GDAP1: variants seen among roughly 807,000 people sequenced by gnomAD.
GDAP1 encodes the protein ganglioside induced differentiation associated protein 1.
In GDAP1, 34 loss-of-function variants were observed where a neutral mutation model predicts 40.1. The ratio of observed to expected loss-of-function variants is 0.85; its 90% CI spans 0.64 to 1.13. The LOEUF is 1.13. GDAP1 is among the 50% of genes most tolerant of loss of function. The pLI, the probability that GDAP1 is intolerant of heterozygous loss-of-function variation, is 0.00. For missense variants in GDAP1, 374 were observed against 433.7 expected (o/e 0.86, Z 1.22); for synonymous variants, 170 against 157.4 (o/e 1.08, Z -0.60).
intron 4 of GDAP1, 123 bp downstream of exon 4, chr8:74,362,101 T>C: frequency 1.5e-6 from 1 of 668,656 alleles, no homozygotes; most frequent in Middle Eastern, 2.5e-4. Flanking sequence ...GTACACATGT[T>C]ACCTTTGGCT....
At chr8:74,371,528 C>T (rs563507573), downstream of GDAP1, among the ~76,000 whole-genome samples, 1,064 of 151,788 alleles carry the variant, frequency 7.0e-3, 10 homozygotes, top group African/African-American at 0.024. Flanking sequence ...GGCGTGGTAG[C>T]GGGCGCCTGT....
At chr8:74,394,430 A>G (rs574702850) in intron 2 of GDAP1, among the ~76,000 whole-genome samples, 11 of 152,246 alleles carry the variant, frequency 7.2e-5, no homozygotes, top group Admixed American at 1.3e-4. Flanking sequence ...GAGGTAATCA[A>G]TCACTTTGGG....
At chr8:74,367,006 A>T (rs1809667311), downstream of GDAP1, 1 of 270,934 alleles carries the variant, frequency 3.7e-6, no homozygotes, top group African/African-American at 2.3e-5. Flanking sequence ...ATAGGATGCC[A>T]TATTTTCGTT....
chr8:74,425,429 A>C (rs1442119512), intron 2 of GDAP1, among the ~76,000 whole-genome samples: 1 of 152,170 alleles, frequency 6.6e-6, no homozygotes, highest in Non-Finnish European at 1.5e-5. Context: ...CACCAAATAC[A>C]TTTTTTAAAA....
At chr8:74,422,330 TTTCTTTCTTTCTTTCTTTCTTCCC>T (rs1229257516) in intron 2 of GDAP1, among the ~76,000 whole-genome samples, 8 of 63,272 alleles carry the variant, frequency 1.3e-4, no homozygotes, top group African/African-American at 2.6e-4. Context: ...TCTTTCTTTC[TTTCTTTCTTTCTTTCTTTCTTCCC>T]TTCCTTCCTT....
intron 2 of GDAP1, among the ~76,000 whole-genome samples, chr8:74,419,468 G>A (rs1805828555): frequency 1.3e-5 from 2 of 152,136 alleles, no homozygotes; most frequent in Admixed American, 1.3e-4. Flanking sequence ...AAAAACTGTA[G>A]CAATGGAGAA....
Position 74,428,633 on chromosome 8 carries a change from ATTTTTTTTTT to A in GDAP1, c.166-60026_166-60017del, listed in dbSNP as rs1195348725. On this transcript the variant is annotated intron_variant, in intron 2 of 2. Transcript: ENST00000523640. The stretch of plus-strand genomic sequence containing the variant: ...GGGCGTATGCCACCACACCCGGCTA[ATTTTTTTTTT>A]TTTTTTTTTTTTTTTTTTAGTAGAG... Among the ~76,000 whole-genome samples the A allele has an allele frequency of 1.2e-4, 5 of 42,846 alleles. 1 individual carries two copies. Among genetic ancestry groups the A allele is most frequent in the African/African-American group, 3.0e-4 (3 of 10,068 alleles). 28.1% of individuals were successfully genotyped at this position (42,846 alleles called of 152,430 possible).
chr8:74,411,932 T>C (rs1001262270), intron 2 of GDAP1, among the ~76,000 whole-genome samples: 10 of 149,834 alleles, frequency 6.7e-5, no homozygotes, highest in Non-Finnish European at 1.2e-4. Flanking sequence ...AGAATTAACT[T>C]TGCAAATTCT....
chr8:74,364,274 G>A lies in GDAP1; in HGVS notation c.984G>A (p.Leu328=). The A allele has an allele frequency of 6.2e-7, 1 of 1,614,206 alleles. No individual in the cohort carries two copies. ...TTGGCACGACCCTTGTGGTTGGTTT[G>A]CTTGCAGGAGTGGGATATTTTGCTT... The part of the protein sequence containing the change: ...KVLGTTLVVG[L]LAGVGYFAFM... The change falls in exon 6 of 6, where the codon TTG becomes TTA. Residue 328 remains leucine (L), a synonymous_variant. Transcript: ENST00000220822.
chr8:74,361,035 A>G (rs1809336568), intron 3 of GDAP1, among the ~76,000 whole-genome samples: 1 of 150,478 alleles, frequency 6.6e-6, no homozygotes, highest in South Asian at 2.1e-4. Flanking sequence ...CCTTTTTGAT[A>G]CCCCTCCTTT....
chr8:74,351,580 T>G lies in GDAP1; in HGVS notation c.310+114T>G, dbSNP rs181955975. On this transcript the variant is annotated intron_variant, in intron 2 of 5. Coordinates refer to ENST00000220822, the MANE Select transcript of GDAP1 (RefSeq NM_018972.4). Reference sequence around the variant, plus strand: ...TTTCTCTTGTGTCATGATGGTGGTTTGGGATTAAAAACCTTTTCCATTTCC... The same window carrying G: ...TTTCTCTTGTGTCATGATGGTGGTTGGGGATTAAAAACCTTTTCCATTTCC... The G allele has an allele frequency of 7.8e-6, 7 of 903,100 alleles. No individual in the cohort carries two copies. In the Admixed American group the frequency reaches 1.0e-4, roughly 13 times the overall value. The allele number at this position is 903,100 out of a possible 1,614,324, so 55.9% of individuals were successfully genotyped here.
chr8:74,393,628 T>C (rs1810145898), intron 2 of GDAP1, among the ~76,000 whole-genome samples: 1 of 152,232 alleles, frequency 6.6e-6, no homozygotes, highest in East Asian at 1.9e-4. Context: ...TCCAGGTGTT[T>C]CTTGTCGACC....
intron 2 of GDAP1, among the ~76,000 whole-genome samples, chr8:74,459,279 TGAG>T (rs1233265414): frequency 2.0e-5 from 3 of 152,134 alleles, no homozygotes; most frequent in Non-Finnish European, 4.4e-5. Flanking sequence ...ATGGAAATAA[TGAG>T]GAGAATGAGA....
Position 74,364,949 on chromosome 8 carries a change from T to C in GDAP1, c.*582T>C, listed in dbSNP as rs1400897001. The stretch of plus-strand genomic sequence containing the variant: ...CTAGCATTTCTGTAAAAGTCTTAAG[T>C]GATATTAAGATGATTCCTTACCATT... On this transcript the variant is annotated 3_prime_UTR_variant, in exon 6 of 6. Coordinates refer to ENST00000220822, the MANE Select transcript of GDAP1 (RefSeq NM_018972.4). The C allele has an allele frequency of 2.0e-5, 9 of 454,116 alleles. No homozygotes were observed. The highest frequency in any genetic ancestry group is 1.2e-4 in the South Asian group (8 of 64,476). The allele number at this position is 454,116 out of a possible 1,614,324, so 28.1% of individuals were successfully genotyped here.
At chr8:74,473,344 G>T (rs1806584847) in intron 2 of GDAP1, among the ~76,000 whole-genome samples, 1 of 152,084 alleles carries the variant, frequency 6.6e-6, no homozygotes, top group African/African-American at 2.4e-5. Context: ...AAATGTTTTT[G>T]ATGTCTTCAT....
At chr8:74,422,305 CTTTCTT>C (rs746019386) in intron 2 of GDAP1, among the ~76,000 whole-genome samples, 6 of 37,946 alleles carry the variant, frequency 1.6e-4, no homozygotes, top group East Asian at 1.9e-3. Context: ...TTCTTTCTTT[CTTTCTT>C]TCTTTCTTTC....
intron 2 of GDAP1, among the ~76,000 whole-genome samples, chr8:74,393,661 G>T (rs1389079071): frequency 5.3e-5 from 8 of 152,070 alleles, no homozygotes; most frequent in Admixed American, 3.9e-4. Context: ...AAAATATATT[G>T]TATGTTTAAT....
At position 74,444,214 on chromosome 8, in the gene GDAP1, G is replaced by GCA. The variant is rs1281652112; in HGVS notation, c.166-44428_166-44427dup. ...AATGCACACACACACACACACGCGC[G>GCA]CACACACACACACACACACACACAC... On this transcript the variant is annotated intron_variant, in intron 2 of 2. Coordinates refer to the GDAP1 transcript ENST00000523640. 0.032 allele frequency among the ~76,000 whole-genome samples: 34 copies of GCA among 1,070 alleles called. No individual in the cohort carries two copies. The South Asian group carries it at 0.33, about 10-fold the overall frequency. The allele number at this position is 1,070 out of a possible 152,430, so 0.7% of individuals were successfully genotyped here.
chr8:74,384,792 C>T (rs891391202), intron 2 of GDAP1, among the ~76,000 whole-genome samples: 6 of 152,114 alleles, frequency 3.9e-5, no homozygotes, highest in African/African-American at 7.2e-5. Flanking sequence ...GTAGCTGCAC[C>T]GACTTACATC....
Sources: gnomAD v4.1 joint callset for allele counts (sites outside exome capture counted in the v4.1 genomes callset) on GRCh38, gnomAD v4.1.1 for gene constraint, MANE v1.5 for transcripts, NCBI Gene and HGNC (gene_info 2026-07-23, HGNC 2026-07-21) for gene names.